The following HIVEP3 variants were observed in gnomAD, a reference collection of about 807,000 sequenced individuals.
HIVEP3 encodes the protein transcription factor HIVEP3.
A neutral mutation model predicts 152.8 loss-of-function variants in HIVEP3; 49 were observed. The ratio of observed to expected loss-of-function variants is 0.32; its 90% CI spans 0.26 to 0.41. HIVEP3 has a LOEUF of 0.41. Ranked by LOEUF, HIVEP3 falls within the 10% of genes least tolerant of loss-of-function variation. HIVEP3 has a pLI of 1.00. For missense variants in HIVEP3, 2,790 were observed against 3,103.3 expected, an observed-to-expected ratio of 0.90 and a Z score of 2.40; for synonymous variants, 1,269 against 1,289.0, an observed-to-expected ratio of 0.98 and a Z score of 0.33.
At chr1:41,656,181 A>G (rs1356459690) in intron 2 of HIVEP3, among the ~76,000 whole-genome samples, 1 of 152,084 alleles carries the variant, frequency 6.6e-6, no homozygotes, top group Non-Finnish European at 1.5e-5. Context: ...ATCAATTCCA[A>G]CAGAGTCCAG....
rs1553245859 is a variant in HIVEP3 at position 41,664,968 on chromosome 1, C to T, written c.-721+35948G>A. On this transcript the variant is annotated intron_variant, in intron 2 of 8. Coordinates refer to ENST00000372583, the MANE Select transcript of HIVEP3 (RefSeq NM_024503.5). This position sits in a 1 kb window ranked among gnomAD's most constrained non-coding sequence, Gnocchi z 4.4. ...GCCCTTTCATTGTACCAGACACAGT[C>T]AGACTGGATGCCCCTGAGCCTTCCA... Among the ~76,000 whole-genome samples the T allele has an allele frequency of 6.6e-6, 1 of 152,232 alleles. No homozygotes were observed. Among genetic ancestry groups the T allele is most frequent in the Non-Finnish European group, 1.5e-5 (1 of 68,036 alleles).
chr1:41,733,109 G>A (rs1266496881), intron 1 of HIVEP3, among the ~76,000 whole-genome samples: 3 of 152,150 alleles, frequency 2.0e-5, no homozygotes, highest in Non-Finnish European at 4.4e-5. Flanking sequence ...GAATTTTCAT[G>A]CTGGTCCCTG....
chr1:41,623,722 C>T (rs1233537224), intron 3 of HIVEP3, among the ~76,000 whole-genome samples: 1 of 152,224 alleles, frequency 6.6e-6, no homozygotes, highest in Non-Finnish European at 1.5e-5. Flanking sequence ...ATCCAGGGAA[C>T]CTGACATCCA....
intron 2 of HIVEP3, among the ~76,000 whole-genome samples, chr1:41,629,787 G>A (rs1016737054): frequency 1.3e-5 from 2 of 152,164 alleles, no homozygotes; most frequent in African/African-American, 2.4e-5. Flanking sequence ...AGATGCTGGC[G>A]AGACCGTGGA....
upstream of HIVEP3, among the ~76,000 whole-genome samples, chr1:41,919,980 G>A (rs6668954): frequency 0.024 from 3,586 of 152,194 alleles, 70 homozygotes; most frequent in Non-Finnish European, 0.026. Context: ...CTACAGGGGC[G>A]CTCCTACAGC....
At chr1:41,526,647 CCA>C (rs370140691) in intron 5 of HIVEP3, among the ~76,000 whole-genome samples, 20 of 31,638 alleles carry the variant, frequency 6.3e-4, no homozygotes, top group Non-Finnish European at 1.0e-3. Flanking sequence ...CCTCACACCC[CCA>C]CACTCACACT....
At chr1:41,697,284 C>T (rs1646290971) in intron 2 of HIVEP3, among the ~76,000 whole-genome samples, 1 of 152,210 alleles carries the variant, frequency 6.6e-6, no homozygotes, top group Non-Finnish European at 1.5e-5. Flanking sequence ...TTTCCACCCA[C>T]AGCGCACTGA....
intron 1 of HIVEP3, among the ~76,000 whole-genome samples, chr1:41,706,936 T>C (rs1218306082): frequency 6.6e-6 from 1 of 152,236 alleles, no homozygotes; most frequent in East Asian, 1.9e-4. Flanking sequence ...CAGGGTGATA[T>C]AGGAGTTCAG....
intron 1 of HIVEP3, among the ~76,000 whole-genome samples, chr1:41,858,166 C>T (rs753177163): frequency 8.5e-5 from 13 of 152,176 alleles, no homozygotes; most frequent in Admixed American, 2.0e-4. Context: ...CAATGCTCCA[C>T]GGAAGGTTAG....
At chr1:41,619,984 T>C (rs1489388474) in intron 3 of HIVEP3, among the ~76,000 whole-genome samples, 1 of 152,116 alleles carries the variant, frequency 6.6e-6, no homozygotes, top group Non-Finnish European at 1.5e-5. Flanking sequence ...AGCTCTCTAG[T>C]GGGTGACTCA....
intron 2 of HIVEP3, among the ~76,000 whole-genome samples, chr1:41,672,818 C>A (rs1297791050): frequency 2.0e-5 from 3 of 152,182 alleles, no homozygotes; most frequent in African/African-American, 7.2e-5. Flanking sequence ...AGCCAGGGAC[C>A]ATGCCTGGAT....
chr1:41,883,483 G>A lies in HIVEP3; in HGVS notation c.-801+34930C>T, dbSNP rs115151757. Among the ~76,000 whole-genome samples, 1,478 of 152,280 alleles carry A rather than the reference G, an allele frequency of 9.7e-3. 10 individuals are homozygous for A. Among genetic ancestry groups the A allele is most frequent in the Non-Finnish European group, 0.013 (864 of 68,026 alleles). On this transcript the variant is annotated intron_variant, in intron 1 of 8. Coordinates refer to ENST00000372583, the MANE Select transcript of HIVEP3 (RefSeq NM_024503.5). ...CTATGGACCACAGGCACTCTCCTGCGAAATGCTTGTGAGGTTGGTGACATC... is the reference window on the plus strand; with the variant it reads ...CTATGGACCACAGGCACTCTCCTGCAAAATGCTTGTGAGGTTGGTGACATC...
Position 41,826,197 on chromosome 1 carries a change from G to A in HIVEP3, c.-801+92216C>T, listed in dbSNP as rs534250320. ...TTAGCATGTCTATTGCTCATTAACC[G>A]ATATTTTGTAAAAGGCTTATTTCTC... On this transcript the variant is annotated intron_variant, in intron 1 of 8. Coordinates refer to ENST00000372583, the MANE Select transcript of HIVEP3 (RefSeq NM_024503.5). 3.9e-5 allele frequency among the ~76,000 whole-genome samples: 6 copies of A among 152,246 alleles called. No individual in the cohort carries two copies. The South Asian group carries it at 1.0e-3, about 26-fold the overall frequency.
intron 6 of HIVEP3, among the ~76,000 whole-genome samples, chr1:41,523,094 G>A (rs1486356852): frequency 6.6e-6 from 1 of 152,262 alleles, no homozygotes; most frequent in East Asian, 1.9e-4. Flanking sequence ...TGGGTGATAA[G>A]TTTTCCACTT....
chr1:41,998,090 A>G (rs1337050090), intron 1 of HIVEP3, among the ~76,000 whole-genome samples: 2 of 152,164 alleles, frequency 1.3e-5, no homozygotes, highest in Non-Finnish European at 2.9e-5. Context: ...CCCTGGCTTA[A>G]CATCAAGAAA....
intron 1 of HIVEP3, among the ~76,000 whole-genome samples, chr1:41,826,571 G>C (rs150590348): frequency 1.8e-3 from 279 of 152,254 alleles, no homozygotes; most frequent in African/African-American, 6.3e-3. Context: ...TTCCAGTGGG[G>C]GCCCTCACAG....
intron 2 of HIVEP3, among the ~76,000 whole-genome samples, chr1:41,661,191 A>G (rs2124044884): frequency 6.6e-6 from 1 of 152,326 alleles, no homozygotes; most frequent in South Asian, 2.1e-4. Context: ...GCCCAGAGTC[A>G]CTAAGGGATA....
At chr1:41,881,958 A>T (rs1644268337) in intron 1 of HIVEP3, among the ~76,000 whole-genome samples, 1 of 152,242 alleles carries the variant, frequency 6.6e-6, no homozygotes, top group Admixed American at 6.5e-5. Context: ...AAAATATAAC[A>T]AAACTTGGCA....
chr1:41,531,735 T>G (rs565741531), intron 5 of HIVEP3, among the ~76,000 whole-genome samples: 4 of 56,324 alleles, frequency 7.1e-5, no homozygotes, highest in East Asian at 5.2e-4. Flanking sequence ...ACAGGGGCGA[T>G]AGAGGACAGG....
Sources: gnomAD v4.1 joint callset for allele counts (sites outside exome capture counted in the v4.1 genomes callset) on GRCh38, gnomAD v4.1.1 for gene constraint, Gnocchi (gnomAD v3.1) non-coding constraint, MANE v1.5 for transcripts, NCBI Gene and HGNC (gene_info 2026-07-23, HGNC 2026-07-21) for gene names.